The following RASL12 variants were observed in gnomAD, a reference collection of about 807,000 sequenced individuals.
RASL12 encodes ras-like protein family member 12.
A neutral mutation model predicts 22.9 loss-of-function variants in RASL12; 16 were observed. The observed-to-expected ratio is 0.70, with a 90% CI of 0.47 to 1.06. The LOEUF (loss-of-function observed/expected upper bound fraction) is 1.06, where lower values mean the gene tolerates loss of function less well. Among genes scored for constraint, RASL12 ranks in the 50% least tolerant of loss-of-function variants. The probability of loss-of-function intolerance (pLI) is 0.00; values close to 1 mark genes in which losing one functional copy is unlikely to be tolerated. For synonymous variants in RASL12, 159 were observed against 152.2 expected (o/e 1.04, Z -0.33); for missense variants, 306 against 353.1 (o/e 0.87, Z 1.07).
chr15:65,046,098 C>T, the RASL12 span, among the ~76,000 whole-genome samples: 10 of 74 alleles, frequency 0.14, no homozygotes, highest in East Asian at 0.5. Context: ...TCAGGAGTTC[C>T]GAGACCAGCC....
At chr15:65,065,939 T>C (rs182126167) in intron 1 of RASL12, among the ~76,000 whole-genome samples, 1 of 152,018 alleles carries the variant, frequency 6.6e-6, no homozygotes, top group Non-Finnish European at 1.5e-5. Context: ...TGTAGCCATA[T>C]AAAGCAAAGA....
chr15:65,051,767 A>AAAAC (rs58082384), downstream of RASL12, among the ~76,000 whole-genome samples: 126,948 of 150,406 alleles, frequency 0.84, 53,678 homozygotes, highest in East Asian at 0.98. Flanking sequence ...CAAGCTGTTA[A>AAAAC]AAACAAACAA....
upstream of RASL12, among the ~76,000 whole-genome samples, chr15:65,070,524 C>T (rs750859389): frequency 2.0e-5 from 3 of 152,202 alleles, no homozygotes; most frequent in Non-Finnish European, 4.4e-5. Context: ...CCCCAACCCT[C>T]ATCAAGGGTC....
chr15:65,050,036 C>T (rs2140506336), downstream of RASL12: 1 of 1,551,670 alleles, frequency 6.4e-7, no homozygotes, highest in African/African-American at 1.4e-5. Context: ...CCCGGAGACC[C>T]AGCCGGTACT....
upstream of RASL12, among the ~76,000 whole-genome samples, chr15:65,071,264 T>C (rs1257668160): frequency 3.9e-5 from 6 of 152,158 alleles, no homozygotes; most frequent in African/African-American, 1.4e-4. Context: ...GGCAGGCTCC[T>C]TTCTCCTTTC....
chr15:65,069,479 G>A (rs1029837864), upstream of RASL12, among the ~76,000 whole-genome samples: 4 of 152,268 alleles, frequency 2.6e-5, no homozygotes, highest in Admixed American at 2.0e-4. Context: ...AACTGCTGGA[G>A]GCAGGGCTAA....
chr15:65,069,734 C>T (rs2086917979), upstream of RASL12, among the ~76,000 whole-genome samples: 1 of 152,216 alleles, frequency 6.6e-6, no homozygotes, highest in African/African-American at 2.4e-5. Flanking sequence ...CTGACACTGG[C>T]AGCAACCAAG....
Position 65,058,519 on chromosome 15 carries a change from G to A in RASL12, c.333C>T (p.Ser111=), listed in dbSNP as rs372624453. 3.7e-6 allele frequency: 6 copies of A among 1,610,792 alleles called. No homozygotes were observed. The highest frequency in any genetic ancestry group is 5.1e-6 in the Non-Finnish European group (6 of 1,177,854). The change falls in exon 4 of 5, where the codon AGC becomes AGT. Residue 111 remains serine (S), a synonymous_variant. Transcript: ENST00000220062. The part of the protein sequence containing the change: ...DSRQSFDSSS[S]YLELLALHAK... ...CGTGCAAGGCAAGCAGCTCCAGGTA[G>A]CTGCTGCTGCTATCAAAGCTCTGGC...
chr15:65,047,971 G>A, the RASL12 span, among the ~76,000 whole-genome samples: 19 of 152,024 alleles, frequency 1.2e-4, no homozygotes, highest in African/African-American at 3.9e-4. Context: ...CTGATGTCAC[G>A]AGTTCAAGAC....
At chr15:65,064,821 T>C (rs1429256250) in intron 2 of RASL12, among the ~76,000 whole-genome samples, 2 of 152,200 alleles carry the variant, frequency 1.3e-5, no homozygotes, top group African/African-American at 4.8e-5. Flanking sequence ...CATTAACTCC[T>C]GACCTCAGGT....
intron 2 of RASL12, among the ~76,000 whole-genome samples, chr15:65,062,342 T>G (rs2086818891): frequency 6.6e-6 from 1 of 152,196 alleles, no homozygotes; most frequent in South Asian, 2.1e-4. Context: ...CACAGGCTAT[T>G]GGTCCCATCT....
In RASL12 at chr15:65,065,248, C is replaced by A; in HGVS notation, c.129G>T (p.Lys43Asn). 1 of 1,612,814 alleles carries A rather than the reference C, an allele frequency of 6.2e-7. No individual in the cohort carries two copies. Among genetic ancestry groups the A allele is most frequent in the Non-Finnish European group, 8.5e-7 (1 of 1,179,558 alleles). Residue 43 changes from lysine to asparagine, a missense_variant, in exon 2 of 5, where the codon AAG becomes AAT. Lys to Asn is a moderately conservative substitution (Grantham distance 94). Coordinates refer to ENST00000220062, the MANE Select transcript of RASL12 (RefSeq NM_016563.4). ...TGGGGTCATATTCACTGATAAACCT[C>A]TTGGTCAGAAACTTCACGGTCAGGG... ...KSALTVKFLT[K>N]RFISEYDPNL...
At chr15:65,051,635 G>A, downstream of RASL12, 1 of 1,603,326 alleles carries the variant, frequency 6.2e-7, no homozygotes, top group Non-Finnish European at 8.5e-7. Context: ...GGGATGGGGT[G>A]GTCTCTGTGG....
At chr15:65,072,957 T>C (rs1372666987), upstream of RASL12, among the ~76,000 whole-genome samples, 1 of 152,064 alleles carries the variant, frequency 6.6e-6, no homozygotes, top group African/African-American at 2.4e-5. Context: ...GCCAACAAGG[T>C]GAAACCCCGT....
At chr15:65,060,289 C>G (rs2086786223) in intron 2 of RASL12, among the ~76,000 whole-genome samples, 1 of 152,170 alleles carries the variant, frequency 6.6e-6, no homozygotes, top group Non-Finnish European at 1.5e-5. Context: ...GGCAGGATCA[C>G]ATTCCCAGGT....
At chr15:65,048,237 C>A in the RASL12 span, among the ~76,000 whole-genome samples, 1 of 151,742 alleles carries the variant, frequency 6.6e-6, no homozygotes, top group African/African-American at 2.4e-5. Context: ...TTCTCCCTGA[C>A]TTCCATCTCC....
At chr15:65,052,104 T>C (rs554451634), downstream of RASL12, among the ~76,000 whole-genome samples, 1 of 152,214 alleles carries the variant, frequency 6.6e-6, no homozygotes, top group East Asian at 1.9e-4. Context: ...ATTAAGGAAG[T>C]GGGCAGTGGG....
At chr15:65,068,532 A>G (rs372208297), upstream of RASL12, among the ~76,000 whole-genome samples, 1 of 152,130 alleles carries the variant, frequency 6.6e-6, no homozygotes. This position sits in a 1 kb window ranked among gnomAD's most constrained non-coding sequence, Gnocchi z 4.2. Flanking sequence ...ACCCCTCACT[A>G]AGATTTCAGG....
chr15:65,058,406 G>A (rs1012804339), intron 4 of RASL12, 21 bp downstream of exon 4: 4 of 1,423,354 alleles, frequency 2.8e-6, no homozygotes, highest in East Asian at 2.6e-5. Context: ...TGGAGATAAC[G>A]GCCAAGCAGG....
Sources: gnomAD v4.1 joint callset for allele counts (sites outside exome capture counted in the v4.1 genomes callset) on GRCh38, gnomAD v4.1.1 for gene constraint, Gnocchi (gnomAD v3.1) non-coding constraint, MANE v1.5 for transcripts, NCBI Gene and HGNC (gene_info 2026-07-23, HGNC 2026-07-21) for gene names.